The following SV2C variants were observed in gnomAD, a reference collection of about 807,000 sequenced individuals.
The protein encoded by SV2C is solute carrier family 22 member B3.
SV2C carries 49 observed loss-of-function variants against 79.7 expected under a neutral mutation model. That is an observed-to-expected ratio of 0.61 (90% CI 0.49 to 0.78). The LOEUF is 0.78. Among genes scored for constraint, SV2C ranks in the 30% least tolerant of loss-of-function variants. The pLI, the probability that SV2C is intolerant of heterozygous loss-of-function variation, is 0.00. For missense variants in SV2C, 833 were observed against 912.9 expected, an observed-to-expected ratio of 0.91 and a Z score of 1.13; for synonymous variants, 334 against 333.2, an observed-to-expected ratio of 1.00 and a Z score of -0.03.
chr5:76,050,095 T>C, the SV2C span, among the ~76,000 whole-genome samples: 2 of 152,344 alleles, frequency 1.3e-5, no homozygotes, highest in South Asian at 4.1e-4. Flanking sequence ...CTGAGAGGAA[T>C]AATCACCTAA....
chr5:76,049,325 A>G, the SV2C span, among the ~76,000 whole-genome samples: 2,607 of 79,444 alleles, frequency 0.033, 74 homozygotes, highest in African/African-American at 0.14. Flanking sequence ...TGACAGAGCG[A>G]AAAAAAAAAA....
chr5:75,894,972 T>G, the SV2C span, among the ~76,000 whole-genome samples: 276 of 152,214 alleles, frequency 1.8e-3, 2 homozygotes, highest in African/African-American at 6.1e-3. Flanking sequence ...TCTCTGAAGA[T>G]GCATACGGAG....
chr5:75,863,184 T>C, the SV2C span, among the ~76,000 whole-genome samples: 1 of 152,180 alleles, frequency 6.6e-6, no homozygotes, highest in South Asian at 2.1e-4. Flanking sequence ...GCTGATTTCA[T>C]GCTACCAAGG....
chr5:76,159,138 G>A (rs1742825155), intron 2 of SV2C, among the ~76,000 whole-genome samples: 1 of 152,024 alleles, frequency 6.6e-6, no homozygotes. Context: ...TCCTCAGTCT[G>A]ATAAGACATC....
chr5:76,015,082 G>A, the SV2C span, among the ~76,000 whole-genome samples: 1 of 152,134 alleles, frequency 6.6e-6, no homozygotes, highest in Non-Finnish European at 1.5e-5. Flanking sequence ...TTTTGGCTAA[G>A]GCTGTGTAGA....
chr5:76,232,757 G>A (rs1241212429), intron 4 of SV2C, among the ~76,000 whole-genome samples: 39 of 141,218 alleles, frequency 2.8e-4, no homozygotes, highest in East Asian at 1.4e-3. Context: ...GTAGATATGC[G>A]GCATTATTTC....
At chr5:76,108,605 A>G (rs557556945) in intron 1 of SV2C, among the ~76,000 whole-genome samples, 126 of 152,346 alleles carry the variant, frequency 8.3e-4, no homozygotes, top group African/African-American at 3.0e-3. Context: ...TATGCAAAAA[A>G]TAAATACCCG....
downstream of SV2C, among the ~76,000 whole-genome samples, chr5:76,334,646 C>T (rs145745011): frequency 1.4e-4 from 21 of 152,282 alleles, no homozygotes; most frequent in Middle Eastern, 3.4e-3. Flanking sequence ...CACATCTAAG[C>T]GCCAGAAGGA....
chr5:75,923,373 T>G, the SV2C span, among the ~76,000 whole-genome samples: 1 of 152,108 alleles, frequency 6.6e-6, no homozygotes, highest in Non-Finnish European at 1.5e-5. Context: ...AAAGAATTAA[T>G]GACTAAGACC....
Position 76,325,511 on chromosome 5 carries a change from G to A in SV2C, c.2148G>A (p.Leu716=), listed in dbSNP as rs747069582. The A allele has an allele frequency of 6.2e-7, 1 of 1,614,122 alleles. No homozygotes were observed. The highest frequency in any genetic ancestry group is 8.5e-7 in the Non-Finnish European group (1 of 1,180,024). The change falls in exon 13 of 13, where the codon CTG becomes CTA. Residue 716 remains leucine (L), a synonymous_variant. Transcript: ENST00000502798. ...TCGTGTGTGGAGGACTCGTTGGGCT[G>A]TGCCTGCCTGACACACGAACCCAGG... is the stretch of plus-strand genomic sequence containing the variant. ...TVLVCGGLVG[L]CLPDTRTQVL...
chr5:75,899,319 G>A, the SV2C span, among the ~76,000 whole-genome samples: 5 of 152,216 alleles, frequency 3.3e-5, no homozygotes, highest in South Asian at 2.1e-4. Flanking sequence ...CCTTCATTTC[G>A]TTATGTACCC....
At chr5:76,221,530 C>T (rs2112377969) in intron 4 of SV2C, among the ~76,000 whole-genome samples, 1 of 152,278 alleles carries the variant, frequency 6.6e-6, no homozygotes, top group South Asian at 2.1e-4. Flanking sequence ...GGACAAGTCA[C>T]CCCAGTGCCC....
chr5:76,214,833 GTGTAGAA>G (rs1744869249), intron 4 of SV2C, among the ~76,000 whole-genome samples: 1 of 152,022 alleles, frequency 6.6e-6, no homozygotes, highest in Non-Finnish European at 1.5e-5. Context: ...CATTATTACT[GTGTAGAA>G]ACACAACTAA....
At chr5:75,982,019 G>A in the SV2C span, among the ~76,000 whole-genome samples, 6 of 140,578 alleles carry the variant, frequency 4.3e-5, no homozygotes, top group Non-Finnish European at 9.0e-5. Context: ...TCATAGATGG[G>A]AATTGAACAA....
chr5:75,968,720 A>AG, the SV2C span, among the ~76,000 whole-genome samples: 1 of 152,168 alleles, frequency 6.6e-6, no homozygotes, highest in Non-Finnish European at 1.5e-5. Context: ...TGAAAGTGAT[A>AG]GGAGAATGGA....
intron 4 of SV2C, among the ~76,000 whole-genome samples, chr5:76,248,845 C>A (rs1745276609): frequency 6.6e-6 from 1 of 152,176 alleles, no homozygotes; most frequent in Non-Finnish European, 1.5e-5. Flanking sequence ...TCTGGAACTC[C>A]TGACCTCAAG....
intron 4 of SV2C, among the ~76,000 whole-genome samples, chr5:76,232,147 G>C (rs889797476): frequency 1.3e-5 from 2 of 149,216 alleles, no homozygotes; most frequent in Admixed American, 1.3e-4. Context: ...GTGTGAGTTG[G>C]TATCTCATTG....
chr5:76,052,836 A>G, the SV2C span, among the ~76,000 whole-genome samples: 2 of 152,030 alleles, frequency 1.3e-5, no homozygotes, highest in Non-Finnish European at 2.9e-5. Context: ...AATTCTGACT[A>G]CTATAATAAT....
chr5:76,342,886 C>CTTTT (rs35379719), intron 12 of SV2C, among the ~76,000 whole-genome samples: 3 of 138,842 alleles, frequency 2.2e-5, no homozygotes, highest in African/African-American at 5.2e-5. Flanking sequence ...CTCTCTCTCT[C>CTTTT]TTTTTTTTTT....
Sources: gnomAD v4.1 joint callset for allele counts (sites outside exome capture counted in the v4.1 genomes callset) on GRCh38, gnomAD v4.1.1 for gene constraint, MANE v1.5 for transcripts, NCBI Gene and HGNC (gene_info 2026-07-23, HGNC 2026-07-21) for gene names.